WDR33: variants seen among roughly 807,000 people sequenced by gnomAD.
The protein encoded by WDR33 is WD repeat domain 33.
A neutral mutation model predicts 164.9 loss-of-function variants in WDR33; 47 were observed. That is an observed-to-expected ratio of 0.29 (90% CI 0.23 to 0.36). The LOEUF (loss-of-function observed/expected upper bound fraction) is 0.36, where lower values mean the gene tolerates loss of function less well. Among genes scored for constraint, WDR33 ranks in the 10% least tolerant of loss-of-function variants. The pLI is 1.00. For missense variants in WDR33, 1,137 were observed against 1,754.1 expected (o/e 0.65, Z 6.28); for synonymous variants, 505 against 589.0 (o/e 0.86, Z 2.06).
intron 18 of WDR33, among the ~76,000 whole-genome samples, chr2:127,711,998 T>C (rs932429334): frequency 6.7e-6 from 1 of 149,382 alleles, no homozygotes; most frequent in Non-Finnish European, 1.5e-5. Context: ...GGTCTCGAAC[T>C]CCTGACCTCG....
intron 7 of WDR33, chr2:127,737,934 C>T: frequency 6.4e-7 from 1 of 1,573,720 alleles, no homozygotes; most frequent in South Asian, 1.2e-5. Flanking sequence ...TATGTTTTGC[C>T]AGAATCTTCT....
At position 127,723,127 on chromosome 2, in the gene WDR33, T is replaced by C; in HGVS notation, c.1292-83A>G. On this transcript the variant is annotated intron_variant, in intron 12 of 21. Transcript: ENST00000322313. The surrounding 1 kb of genome is among the most constrained non-coding windows in gnomAD (Gnocchi z 5.9). ...AATTAATGCTTTATAAAAATGAATGTCACTGATGATTTATAAATAAATCTA... is the reference window on the plus strand; with the variant it reads ...AATTAATGCTTTATAAAAATGAATGCCACTGATGATTTATAAATAAATCTA... The C allele has an allele frequency of 7.0e-7, 1 of 1,428,532 alleles. No homozygotes were observed. The highest frequency in any genetic ancestry group is 1.3e-5 in the South Asian group (1 of 77,210). 88.5% of individuals were successfully genotyped at this position (1,428,532 alleles called of 1,614,324 possible).
At chr2:127,715,743 C>T (rs1009273868) in intron 17 of WDR33, among the ~76,000 whole-genome samples, 12 of 152,166 alleles carry the variant, frequency 7.9e-5, no homozygotes, top group Admixed American at 6.5e-4. Context: ...AATATTAATC[C>T]TCCCATTACC....
In WDR33 at chr2:127,763,729, G is replaced by A. The variant is rs1687744473; in HGVS notation, c.627-570C>T. 2.0e-6 allele frequency: 2 copies of A among 985,510 alleles called. No homozygotes were observed. The highest frequency in any genetic ancestry group is 2.4e-6 in the Non-Finnish European group (2 of 830,020). The allele number at this position is 985,510 out of a possible 1,614,324, so 61.0% of individuals were successfully genotyped here. A position where few individuals can be genotyped will look rare whatever the true frequency, so the allele number is the denominator to read the frequency against. On this transcript the variant is annotated intron_variant, in intron 6 of 21. Coordinates refer to ENST00000322313, the MANE Select transcript of WDR33 (RefSeq NM_018383.5). This position sits in a 1 kb window ranked among gnomAD's most constrained non-coding sequence, Gnocchi z 4.5. Reference sequence around the variant, plus strand: ...ATTCCATGAATGTTGCACCTTTGAGGAAAACTTTAAAATAAGGACATTCAG... The same window carrying A: ...ATTCCATGAATGTTGCACCTTTGAGAAAAACTTTAAAATAAGGACATTCAG...
At chr2:127,775,215 G>A (rs749363550) in intron 1 of WDR33, among the ~76,000 whole-genome samples, 15 of 152,036 alleles carry the variant, frequency 9.9e-5, no homozygotes, top group Admixed American at 3.3e-4. Flanking sequence ...TTGAGACGGA[G>A]TCTCACTGTA....
Position 127,708,840 on chromosome 2 carries a change from G to C in WDR33, c.3618C>G (p.His1206Gln). Residue 1206 changes from histidine (H) to glutamine (Q), a missense_variant, in exon 21 of 22, where the codon CAC becomes CAG. Coordinates refer to ENST00000322313, the MANE Select transcript of WDR33 (RefSeq NM_018383.5). The surrounding 1 kb of genome is among the most constrained non-coding windows in gnomAD (Gnocchi z 6.7). ...CTCTGCTGGCTGGGGAATGACCGTC[G>C]TGAGGGGGATGATCAGGGCGGGGAG... ...RDTPRPDHPPHDGHSPASRER... is the reference protein window; with the variant it reads ...RDTPRPDHPPQDGHSPASRER... The C allele has an allele frequency of 3.1e-6, 5 of 1,611,016 alleles. No individual in the cohort carries two copies. Among genetic ancestry groups the C allele is most frequent in the Non-Finnish European group, 4.2e-6 (5 of 1,178,034 alleles).
In WDR33 at chr2:127,718,314, G is replaced by A. The variant is rs1686344989; in HGVS notation, c.2760+951C>T. 6.6e-6 allele frequency among the ~76,000 whole-genome samples: 1 copy of A among 152,038 alleles called. No homozygotes were observed. The highest frequency in any genetic ancestry group is 1.5e-5 in the Non-Finnish European group (1 of 68,014). On this transcript the variant is annotated intron_variant, in intron 16 of 21. Coordinates refer to ENST00000322313, the MANE Select transcript of WDR33 (RefSeq NM_018383.5). The surrounding 1 kb of genome is among the most constrained non-coding windows in gnomAD (Gnocchi z 4.4). ...CCCCTTTCTCCAAGTGTCTCAGGGAGTCAACATTAGCTGACTCGCTCACTT... is the reference window on the plus strand; with the variant it reads ...CCCCTTTCTCCAAGTGTCTCAGGGAATCAACATTAGCTGACTCGCTCACTT...
intron 7 of WDR33, among the ~76,000 whole-genome samples, chr2:127,744,693 GAA>G (rs1429877055): frequency 6.6e-6 from 1 of 152,118 alleles, no homozygotes; most frequent in Non-Finnish European, 1.5e-5. Flanking sequence ...AAGTTCTCAA[GAA>G]AAACAACTCT....
Position 127,741,374 on chromosome 2 carries a change from G to A in WDR33, c.725-14597C>T, listed in dbSNP as rs779829456. On this transcript the variant is annotated intron_variant, in intron 7 of 21. Transcript: ENST00000322313. This position sits in a 1 kb window ranked among gnomAD's most constrained non-coding sequence, Gnocchi z 4.1. The stretch of plus-strand genomic sequence containing the variant: ...AGAGAAAGATGGCAGTTCCACTTAA[G>A]AGTGGAATAAACTTAAGCACTCCAC... Among the ~76,000 whole-genome samples, 16 of 152,196 alleles carry A rather than the reference G, an allele frequency of 1.1e-4. No homozygotes were observed. Among genetic ancestry groups the A allele is most frequent in the Non-Finnish European group, 2.2e-4 (15 of 68,032 alleles).
In WDR33 at chr2:127,768,165, C is replaced by A. The variant is rs776568584; in HGVS notation, c.378+24G>T. 5.6e-6 allele frequency: 8 copies of A among 1,427,262 alleles called. No homozygotes were observed. In the African/African-American group the frequency reaches 5.7e-5, roughly 10 times the overall value. The allele number at this position is 1,427,262 out of a possible 1,614,324, so 88.4% of individuals were successfully genotyped here. A position where few individuals can be genotyped will look rare whatever the true frequency, so the allele number is the denominator to read the frequency against. On this transcript the variant is annotated intron_variant, in intron 4 of 21. Transcript: ENST00000322313. ...ATATAACGCAGGATTAATTTTCCCC[C>A]AAAATATCCAACAGATTACTTACCC... is the stretch of plus-strand genomic sequence containing the variant.
At chr2:127,759,620 G>A (rs147777341) in intron 7 of WDR33, among the ~76,000 whole-genome samples, 1,804 of 152,268 alleles carry the variant, frequency 0.012, 33 homozygotes, top group African/African-American at 0.042. Context: ...GAACCCGAGA[G>A]GCGGAGGTTG....
intron 1 of WDR33, among the ~76,000 whole-genome samples, chr2:127,788,338 C>G (rs1688687231): frequency 9.0e-6 from 1 of 110,776 alleles, no homozygotes; most frequent in Non-Finnish European, 1.9e-5. Context: ...GCTGGCCGGG[C>G]AGAGGGGCTC....
chr2:127,742,032 C>A (rs970721575), intron 7 of WDR33, among the ~76,000 whole-genome samples: 2 of 151,568 alleles, frequency 1.3e-5, no homozygotes, highest in Non-Finnish European at 2.9e-5. Context: ...GAAACTCTGT[C>A]TCTACTAAAA....
chr2:127,701,957 C>G lies in WDR33; in HGVS notation c.*4366G>C. On this transcript the variant is annotated 3_prime_UTR_variant, in exon 22 of 22. Coordinates refer to ENST00000322313, the MANE Select transcript of WDR33 (RefSeq NM_018383.5). ...TGCTGCGCTGCGAAGAAGCGCCGTCCCGGCCCGCGCTGCTCTACATGGCAG... is the reference window on the plus strand; with the variant it reads ...TGCTGCGCTGCGAAGAAGCGCCGTCGCGGCCCGCGCTGCTCTACATGGCAG... 7.2e-7 allele frequency: 1 copy of G among 1,398,506 alleles called. No individual in the cohort carries two copies. The highest frequency in any genetic ancestry group is 1.5e-5 in the South Asian group (1 of 67,462). 86.6% of individuals were successfully genotyped at this position (1,398,506 alleles called of 1,614,324 possible). A position where few individuals can be genotyped will look rare whatever the true frequency, so the allele number is the denominator to read the frequency against.
At chr2:127,776,498 T>C (rs1688188363) in intron 1 of WDR33, among the ~76,000 whole-genome samples, 1 of 152,136 alleles carries the variant, frequency 6.6e-6, no homozygotes, top group East Asian at 1.9e-4. Flanking sequence ...ACAGGTGGAC[T>C]GCTTGAGCCC....
At chr2:127,711,780 A>ATATATATATATTTTTTT in intron 18 of WDR33, among the ~76,000 whole-genome samples, 1 of 88,320 alleles carries the variant, frequency 1.1e-5, no homozygotes, top group African/African-American at 6.5e-5. Flanking sequence ...ATATATATAT[A>ATATATATATATTTTTTT]TTTTTTTTTT....
chr2:127,709,505 C>T lies in WDR33; in HGVS notation c.3550G>A (p.Gly1184Arg), dbSNP rs1686101429. 1 of 1,614,054 alleles carries T rather than the reference C, an allele frequency of 6.2e-7. No individual in the cohort carries two copies. The highest frequency in any genetic ancestry group is 2.2e-5 in the East Asian group (1 of 44,872). ...EGGRKPDSWD[G>R]NREPGPGHEH... ...TTTTCCTTACCAGGCTCTCTGTTTC[C>T]ATCCCAGGAATCTGGCTTCCGCCCT... is the stretch of plus-strand genomic sequence containing the variant. The change falls in exon 20 of 22, where the codon GGA (glycine) becomes AGA (arginine). Residue 1184 changes from glycine (G) to arginine (R), a missense_variant. This residue lies in a region of WDR33 where 867 missense variants were observed against 1,073.0 expected (regional missense o/e 0.81). Coordinates refer to ENST00000322313, the MANE Select transcript of WDR33 (RefSeq NM_018383.5). This position sits in a 1 kb window ranked among gnomAD's most constrained non-coding sequence, Gnocchi z 5.0.
At chr2:127,807,884 G>A in intron 1 of WDR33, among the ~76,000 whole-genome samples, 1 of 152,226 alleles carries the variant, frequency 6.6e-6, no homozygotes, top group East Asian at 1.9e-4. Flanking sequence ...AGGATCGCTT[G>A]AGCCTAGGAA....
Position 127,738,133 on chromosome 2 carries a change from G to T in WDR33, c.725-11356C>A. The T allele has an allele frequency of 1.5e-6, 2 of 1,349,330 alleles. No individual in the cohort carries two copies. Among genetic ancestry groups the T allele is most frequent in the Non-Finnish European group, 2.0e-6 (2 of 1,004,328 alleles). The allele number at this position is 1,349,330 out of a possible 1,614,324, so 83.6% of individuals were successfully genotyped here. A position where few individuals can be genotyped will look rare whatever the true frequency, so the allele number is the denominator to read the frequency against. ...TATCACATGAGCCCTGGCAGATTGT[G>T]TAATTTCCAGATATGACTGAGATTT... On this transcript the variant is annotated intron_variant, in intron 7 of 21. Transcript: ENST00000322313. This position sits in a 1 kb window ranked among gnomAD's most constrained non-coding sequence, Gnocchi z 4.4.
Sources: gnomAD v4.1 joint callset for allele counts (sites outside exome capture counted in the v4.1 genomes callset) on GRCh38, gnomAD v4.1.1 for gene constraint, gnomAD v4.1.1 regional missense constraint, Gnocchi (gnomAD v3.1) non-coding constraint, MANE v1.5 for transcripts, NCBI Gene and HGNC (gene_info 2026-07-23, HGNC 2026-07-21) for gene names.